CYFIP2: variants seen among roughly 807,000 people sequenced by gnomAD.
CYFIP2 encodes cytoplasmic FMR1-interacting protein 2.
CYFIP2 carries 29 observed loss-of-function variants against 158.7 expected under a neutral mutation model. That is an observed-to-expected ratio of 0.18 (90% confidence interval 0.14 to 0.25). The LOEUF (loss-of-function observed/expected upper bound fraction) is 0.25. Ranked by LOEUF, CYFIP2 falls within the 10% of genes least tolerant of loss-of-function variation. The pLI is 1.00. For synonymous variants in CYFIP2, 585 were observed against 617.6 expected (o/e 0.95, Z 0.78); for missense variants, 852 against 1,639.5 (o/e 0.52, Z 8.29).
intron 21 of CYFIP2, among the ~76,000 whole-genome samples, chr5:157,335,316 T>G (rs566510729): frequency 1.3e-5 from 2 of 152,324 alleles, no homozygotes; most frequent in East Asian, 3.9e-4. Flanking sequence ...CTTGCTCTGT[T>G]GCCTAGGCTG....
intron 26 of CYFIP2, among the ~76,000 whole-genome samples, chr5:157,366,527 A>C (rs901828313): frequency 5.9e-5 from 9 of 152,168 alleles, no homozygotes; most frequent in Admixed American, 3.9e-4. Flanking sequence ...ATTCACCTAG[A>C]ATTGATGTTT....
At chr5:157,289,007 A>G (rs1757615204) in intron 3 of CYFIP2, among the ~76,000 whole-genome samples, 1 of 152,200 alleles carries the variant, frequency 6.6e-6, no homozygotes, top group East Asian at 1.9e-4. Context: ...TTCATATATT[A>G]TATTATTGGA....
intron 1 of CYFIP2, among the ~76,000 whole-genome samples, chr5:157,283,913 A>G (rs575260077): frequency 2.0e-4 from 31 of 152,274 alleles, no homozygotes; most frequent in African/African-American, 6.0e-4. Context: ...AAACTCACTG[A>G]CATTCACAGC....
At chr5:157,358,943 A>C in intron 23 of CYFIP2, 62 bp from the exon 24 acceptor site, 2 of 1,599,588 alleles carry the variant, frequency 1.3e-6, no homozygotes, top group South Asian at 1.1e-5. Context: ...AACATCTGCC[A>C]GGACTCCACC....
At chr5:157,304,170 C>CT in intron 7 of CYFIP2, 68 bp from the exon 8 acceptor site, 1 of 1,545,910 alleles carries the variant, frequency 6.5e-7, no homozygotes, top group Non-Finnish European at 8.7e-7. Context: ...TGTAGGGCTT[C>CT]TGCAGGGGTG....
chr5:157,358,874 T>A, intron 23 of CYFIP2, 131 bp from the exon 24 acceptor site: 1 of 1,197,184 alleles, frequency 8.4e-7, no homozygotes. Flanking sequence ...TGCAAACATA[T>A]TCATGGGGCT....
chr5:157,395,516 T>C lies in CYFIP2; in HGVS notation c.*2516T>C. The C allele has an allele frequency of 1.4e-6, 1 of 711,858 alleles. No individual in the cohort carries two copies. The highest frequency in any genetic ancestry group is 2.1e-6 in the Non-Finnish European group (1 of 468,238). The allele number at this position is 711,858 out of a possible 1,614,324, so 44.1% of individuals were successfully genotyped here. On this transcript the variant is annotated 3_prime_UTR_variant, in exon 31 of 31. Transcript: ENST00000620254. ...TATGCAGCTGAAGATGATATTTTGA[T>C]TTGTATTTTGGGGGTACCTGTGTTG...
At chr5:157,300,215 G>A (rs994865851) in intron 5 of CYFIP2, among the ~76,000 whole-genome samples, 1 of 152,140 alleles carries the variant, frequency 6.6e-6, no homozygotes, top group Non-Finnish European at 1.5e-5. Flanking sequence ...GTCACATAGA[G>A]GCAGGTTCCA....
At chr5:157,333,142 ACAT>A (rs1274700329) in intron 20 of CYFIP2, among the ~76,000 whole-genome samples, 182 bp from the exon 21 acceptor site, 4 of 152,142 alleles carry the variant, frequency 2.6e-5, no homozygotes, top group African/African-American at 9.7e-5. Flanking sequence ...CCTGCTGCAA[ACAT>A]CATAAACTTC....
At chr5:157,360,495 T>A in intron 25 of CYFIP2, 123 bp downstream of exon 25, 1 of 673,192 alleles carries the variant, frequency 1.5e-6, no homozygotes, top group Non-Finnish European at 2.4e-6. Context: ...CTATCCATCC[T>A]ACCCCGCCAC....
chr5:157,333,283 C>T, intron 20 of CYFIP2, 44 bp from the exon 21 acceptor site: 1 of 1,612,272 alleles, frequency 6.2e-7, no homozygotes, highest in Non-Finnish European at 8.5e-7. Flanking sequence ...TGCACCTGGC[C>T]AGTGTGAATT....
At position 157,394,642 on chromosome 5, in the gene CYFIP2, C is replaced by A. The variant is rs76594372; in HGVS notation, c.*1642C>A. On this transcript the variant is annotated 3_prime_UTR_variant, in exon 31 of 31. Transcript: ENST00000620254. ...CTTTCTACAAACTACCCAAGTTGTT[C>A]TGTTGCACATCAATGTTTGGGAACC... 6.6e-6 allele frequency: 1 copy of A among 152,192 alleles called. No homozygotes were observed. Among genetic ancestry groups the A allele is most frequent in the African/African-American group, 2.4e-5 (1 of 41,446 alleles). The allele number at this position is 152,192 out of a possible 1,614,324, so 9.4% of individuals were successfully genotyped here. A position where few individuals can be genotyped will look rare whatever the true frequency, so the allele number is the denominator to read the frequency against.
At chr5:157,285,262 T>C (rs1757284144) in intron 1 of CYFIP2, 77 bp from the exon 2 acceptor site, 1 of 933,480 alleles carries the variant, frequency 1.1e-6, no homozygotes. Flanking sequence ...TCCCAAAGGA[T>C]GCTGGTCATG....
chr5:157,382,576 C>T lies in CYFIP2; in HGVS notation c.3040-14C>T, dbSNP rs1766235648. ...TGAAAATTGTTTTCTCTTTCTTTAC[C>T]CCCATCTCTGCAGTCTCAGGAGGAG... is the stretch of plus-strand genomic sequence containing the variant. On this transcript the variant is annotated splice_polypyrimidine_tract_variant and intron_variant, in intron 26 of 30. Coordinates refer to ENST00000620254, the MANE Select transcript of CYFIP2 (RefSeq NM_001037333.3). The T allele has an allele frequency of 1.9e-6, 3 of 1,613,468 alleles. No individual in the cohort carries two copies. The highest frequency in any genetic ancestry group is 1.1e-5 in the South Asian group (1 of 91,062).
At chr5:157,359,378 A>AC (rs1763641515) in intron 24 of CYFIP2, among the ~76,000 whole-genome samples, 4 of 151,644 alleles carry the variant, frequency 2.6e-5, no homozygotes, top group Non-Finnish European at 4.4e-5. Context: ...TCATTTTCTG[A>AC]CCCCCAGACT....
At chr5:157,364,882 A>T (rs1269397743) in intron 26 of CYFIP2, 1 of 152,226 alleles carries the variant, frequency 6.6e-6, no homozygotes, top group Non-Finnish European at 1.5e-5. Flanking sequence ...AAGGCTGTAT[A>T]AACTGTGGAA....
intron 26 of CYFIP2, among the ~76,000 whole-genome samples, chr5:157,370,018 T>G (rs1428428630): frequency 6.6e-6 from 1 of 151,952 alleles, no homozygotes; most frequent in Non-Finnish European, 1.5e-5. Context: ...GTAGCTGGGA[T>G]AACAGGCACC....
chr5:157,368,761 G>A (rs1200047497), intron 26 of CYFIP2, among the ~76,000 whole-genome samples: 2 of 151,656 alleles, frequency 1.3e-5, no homozygotes, highest in East Asian at 1.9e-4. Flanking sequence ...AGAGCCCCAT[G>A]AGCCAGAGTG....
chr5:157,323,521 C>T (rs956873289), intron 15 of CYFIP2, among the ~76,000 whole-genome samples: 1 of 152,244 alleles, frequency 6.6e-6, no homozygotes, highest in Non-Finnish European at 1.5e-5. Flanking sequence ...CACAGCAAAT[C>T]AGCAGCAGTG....
Sources: allele counts gnomAD v4.1 joint callset (sites outside exome capture counted in the v4.1 genomes callset), GRCh38; gene constraint gnomAD v4.1.1; transcripts MANE v1.5; gene names NCBI Gene and HGNC (gene_info 2026-07-23, HGNC 2026-07-21).